The following NRXN3 variants were observed in gnomAD, a reference collection of about 807,000 sequenced individuals.
The protein encoded by NRXN3 is neurexin III.
NRXN3 carries 32 observed loss-of-function variants against 137.6 expected under a neutral mutation model. The observed-to-expected ratio is 0.23, with a 90% CI of 0.18 to 0.31. The LOEUF (loss-of-function observed/expected upper bound fraction) is 0.31, where lower values mean the gene tolerates loss of function less well. Ranked by LOEUF, NRXN3 falls within the 10% of genes least tolerant of loss-of-function variation. The probability of loss-of-function intolerance (pLI) is 1.00; values close to 1 mark genes in which losing one functional copy is unlikely to be tolerated. For synonymous variants in NRXN3, 798 were observed against 784.5 expected (o/e 1.02, Z -0.29); for missense variants, 1,574 against 2,062.5 (o/e 0.76, Z 4.59).
intron 20 of NRXN3, 128 bp downstream of exon 20, chr14:79,805,318 A>C (rs1395468617): frequency 4.2e-6 from 2 of 471,390 alleles, no homozygotes; most frequent in Non-Finnish European, 7.4e-6. Context: ...ATATTTTTAT[A>C]TCTATATATG....
intron 4 of NRXN3, chr14:78,403,627 G>T: frequency 1.4e-6 from 1 of 732,082 alleles, no homozygotes. Context: ...TGCCGGTGCT[G>T]CACTAAGATT....
chr14:78,661,798 C>A (rs1296235108), intron 6 of NRXN3, among the ~76,000 whole-genome samples: 1 of 152,030 alleles, frequency 6.6e-6, no homozygotes, highest in Non-Finnish European at 1.5e-5. Context: ...ATTATACCTA[C>A]TTGATAGGGC....
intron 15 of NRXN3, among the ~76,000 whole-genome samples, chr14:79,211,032 C>T (rs1223837639): frequency 1.3e-5 from 2 of 152,138 alleles, no homozygotes; most frequent in East Asian, 3.8e-4. Flanking sequence ...GTGGTCGCTA[C>T]TCTCCTTCAA....
At position 79,490,219 on chromosome 14, in the gene NRXN3, T is replaced by C. The variant is rs147672418; in HGVS notation, c.3444+22817T>C. 1.8e-3 allele frequency among the ~76,000 whole-genome samples: 271 copies of C among 152,248 alleles called. 6 individuals are homozygous for C. The East Asian group carries it at 0.044, about 24-fold the overall frequency. ...AACCACTGAACACTGTTGGTTGGAA[T>C]GTAAATTAGTACAATCACTATAGAG... On this transcript the variant is annotated intron_variant, in intron 16 of 20. Transcript: ENST00000335750.
chr14:79,143,008 T>C (rs2058957496), intron 15 of NRXN3, among the ~76,000 whole-genome samples: 1 of 152,178 alleles, frequency 6.6e-6, no homozygotes, highest in African/African-American at 2.4e-5. Flanking sequence ...ATATCATCTA[T>C]TTATTTGCCA....
At chr14:78,798,900 G>T (rs2098830523) in intron 8 of NRXN3, among the ~76,000 whole-genome samples, 1 of 152,236 alleles carries the variant, frequency 6.6e-6, no homozygotes, top group Admixed American at 6.5e-5. Flanking sequence ...TTGGGACACA[G>T]GGCACCAAGT....
chr14:78,765,188 T>C (rs972343894), intron 8 of NRXN3, among the ~76,000 whole-genome samples: 1 of 152,152 alleles, frequency 6.6e-6, no homozygotes, highest in African/African-American at 2.4e-5. Flanking sequence ...AGTTTCACTC[T>C]TGTTGCCCAG....
chr14:78,927,364 C>T (rs1332015958), intron 10 of NRXN3, among the ~76,000 whole-genome samples: 4 of 151,580 alleles, frequency 2.6e-5, no homozygotes, highest in Non-Finnish European at 5.9e-5. Flanking sequence ...GGGGAACAAG[C>T]GTAAGGAGGA....
intron 16 of NRXN3, among the ~76,000 whole-genome samples, chr14:79,660,648 G>C (rs2098528895): frequency 6.6e-6 from 1 of 152,150 alleles, no homozygotes; most frequent in Non-Finnish European, 1.5e-5. Flanking sequence ...GGCCACTGCT[G>C]TCACTGAAAA....
chr14:78,520,914 A>G (rs776352397), intron 4 of NRXN3, among the ~76,000 whole-genome samples: 3 of 152,176 alleles, frequency 2.0e-5, no homozygotes, highest in Non-Finnish European at 4.4e-5. Context: ...TGAGAAGTTA[A>G]TATCTTTCTT....
chr14:78,562,250 A>G (rs569927752), intron 4 of NRXN3, among the ~76,000 whole-genome samples: 1 of 152,134 alleles, frequency 6.6e-6, no homozygotes, highest in Admixed American at 6.5e-5. Context: ...TACAAAAATT[A>G]GTCAGGTGTG....
chr14:79,823,451 C>T (rs186261659), intron 20 of NRXN3, among the ~76,000 whole-genome samples: 5 of 152,180 alleles, frequency 3.3e-5, no homozygotes, highest in Non-Finnish European at 7.4e-5. Flanking sequence ...TGGCGCATGC[C>T]TATAGTTCCA....
intron 16 of NRXN3, among the ~76,000 whole-genome samples, chr14:79,633,002 A>C (rs2098371517): frequency 6.6e-6 from 1 of 152,178 alleles, no homozygotes; most frequent in African/African-American, 2.4e-5. Context: ...TTACCATGAT[A>C]CTGCAAATAA....
chr14:79,649,964 C>T (rs1271778230), intron 16 of NRXN3, among the ~76,000 whole-genome samples: 1 of 152,176 alleles, frequency 6.6e-6, no homozygotes, highest in African/African-American at 2.4e-5. Context: ...GGGTCCATTT[C>T]CCGACTGACA....
intron 10 of NRXN3, among the ~76,000 whole-genome samples, chr14:78,942,577 CAT>C (rs1194701624): frequency 1.3e-5 from 2 of 151,964 alleles, no homozygotes; most frequent in Non-Finnish European, 2.9e-5. Flanking sequence ...AAATTGATCT[CAT>C]AGAAATAAAA....
intron 14 of NRXN3, among the ~76,000 whole-genome samples, chr14:78,979,523 T>C (rs548554188): frequency 6.6e-6 from 1 of 152,306 alleles, no homozygotes; most frequent in African/African-American, 2.4e-5. Flanking sequence ...CTCATTTTTT[T>C]CCTATAAAAC....
intron 10 of NRXN3, among the ~76,000 whole-genome samples, chr14:78,812,920 T>C (rs2098918816): frequency 6.6e-6 from 1 of 152,174 alleles, no homozygotes; most frequent in Non-Finnish European, 1.5e-5. Flanking sequence ...AGTGTTTGAC[T>C]GGAAAAAACA....
rs115245714 is a variant in NRXN3 at position 79,363,567 on chromosome 14, C to T, written c.3263-103654C>T. On this transcript the variant is annotated intron_variant, in intron 15 of 20. Coordinates refer to ENST00000335750, the MANE Select transcript of NRXN3 (RefSeq NM_001330195.2). ...CACTTGCCACTATCTTAAATGGTAT[C>T]TGGTGTCTACAGTTGCTCCTTCTAC... 6.3e-3 allele frequency among the ~76,000 whole-genome samples: 939 copies of T among 148,584 alleles called. 7 individuals carry two copies. The highest frequency in any genetic ancestry group is 0.022 in the African/African-American group (896 of 40,132).
At chr14:78,640,373 T>C (rs2097611419) in intron 4 of NRXN3, among the ~76,000 whole-genome samples, 1 of 152,326 alleles carries the variant, frequency 6.6e-6, no homozygotes, top group Middle Eastern at 3.4e-3. Context: ...CCATAACTTA[T>C]AGAAGTTCAA....
Sources: gnomAD v4.1 joint callset for allele counts (sites outside exome capture counted in the v4.1 genomes callset) on GRCh38, gnomAD v4.1.1 for gene constraint, MANE v1.5 for transcripts, NCBI Gene and HGNC (gene_info 2026-07-23, HGNC 2026-07-21) for gene names.